RPS6KA6: variants seen among roughly 807,000 people sequenced by gnomAD.
RPS6KA6 encodes ribosomal protein S6 kinase alpha-6.
Under a neutral mutation model 65.4 loss-of-function variants are expected in RPS6KA6, and 27 were observed. The ratio of observed to expected loss-of-function variants is 0.41; its 90% CI spans 0.30 to 0.57. The LOEUF is 0.57. Ranked by LOEUF, RPS6KA6 falls within the 20% of genes least tolerant of loss-of-function variation. The probability of loss-of-function intolerance (pLI) is 0.24; values close to 1 mark genes in which losing one functional copy is unlikely to be tolerated. For synonymous variants in RPS6KA6, 190 were observed against 184.2 expected (o/e 1.03, Z -0.26); for missense variants, 486 against 555.6 (o/e 0.87, Z 1.26).
At chrX:84,132,553 A>G (rs1051751658) in intron 8 of RPS6KA6, among the ~76,000 whole-genome samples, 1 of 110,636 alleles carries the variant, frequency 9.0e-6, no homozygotes, top group South Asian at 3.7e-4. Context: ...ATGATGAAAT[A>G]ATTTTTCTAA....
intron 20 of RPS6KA6, among the ~76,000 whole-genome samples, chrX:84,083,184 T>C (rs998989791): frequency 1.8e-5 from 2 of 112,799 alleles, no homozygotes; most frequent in African/African-American, 6.4e-5. Flanking sequence ...GAGAAAATTT[T>C]TGGAATCTAT....
intron 20 of RPS6KA6, among the ~76,000 whole-genome samples, chrX:84,081,040 C>T (rs190686290): frequency 1.9e-4 from 21 of 111,198 alleles, no homozygotes; most frequent in East Asian, 5.6e-4. Context: ...TATCTAAAAT[C>T]GACAATCTAA....
Position 84,107,686 on chromosome X carries a change from C to T in RPS6KA6, c.1048G>A (p.Ala350Thr), listed in dbSNP as rs1170222280. Residue 350 changes from alanine (A) to threonine (T), a missense_variant, in exon 13 of 22, where the codon GCT becomes ACT. Around this residue, in one of 3 missense-constraint regions of RPS6KA6, gnomAD observed 345 missense variants for 375.0 expected, o/e 0.92. Coordinates refer to ENST00000262752, the MANE Select transcript of RPS6KA6 (RefSeq NM_014496.5). Reference sequence around the variant, plus strand: ...AAAGTATCATCTGGTTTTCCAGAAGCAGGTTTGAAAGGAGGTTGAACTTCT... The same window carrying T: ...AAAGTATCATCTGGTTTTCCAGAAGTAGGTTTGAAAGGAGGTTGAACTTCT... Reference protein sequence around the residue: ...KREVQPPFKPASGKPDDTFCF... With the variant: ...KREVQPPFKPTSGKPDDTFCF... 1.7e-6 allele frequency: 2 copies of T among 1,199,410 alleles called. No individual in the cohort carries two copies. The highest frequency in any genetic ancestry group is 2.3e-6 in the Non-Finnish European group (2 of 887,354).
At chrX:84,164,635 A>G (rs1319188153) in intron 1 of RPS6KA6, among the ~76,000 whole-genome samples, 6 of 111,862 alleles carry the variant, frequency 5.4e-5, no homozygotes, top group Non-Finnish European at 9.4e-5. Flanking sequence ...GAGTTTTGCA[A>G]TAACAGATAA....
intron 2 of RPS6KA6, among the ~76,000 whole-genome samples, chrX:84,163,595 C>T (rs966087821): frequency 4.1e-5 from 4 of 98,524 alleles, no homozygotes; most frequent in African/African-American, 7.5e-5. Flanking sequence ...GCCGAGATTG[C>T]GCCACTGCAG....
intron 8 of RPS6KA6, among the ~76,000 whole-genome samples, chrX:84,124,427 A>G (rs894342877): frequency 1.8e-5 from 2 of 112,216 alleles, no homozygotes; most frequent in African/African-American, 6.5e-5. Flanking sequence ...GAAGGAATTT[A>G]TAATTCTATC....
intron 6 of RPS6KA6, among the ~76,000 whole-genome samples, chrX:84,141,879 A>T (rs1382196975): frequency 8.9e-6 from 1 of 111,807 alleles, no homozygotes; most frequent in Non-Finnish European, 1.9e-5. Context: ...TATATGAAAC[A>T]AAAACTAACA....
chrX:84,080,643 G>T (rs2033774171), intron 20 of RPS6KA6, among the ~76,000 whole-genome samples: 1 of 105,339 alleles, frequency 9.5e-6, no homozygotes, highest in Non-Finnish European at 1.9e-5. Flanking sequence ...GATATCTACA[G>T]AACTCTCCAC....
chrX:84,073,765 T>C (rs1296953727), intron 20 of RPS6KA6, among the ~76,000 whole-genome samples: 1 of 109,534 alleles, frequency 9.1e-6, no homozygotes, highest in Admixed American at 9.8e-5. Context: ...AAATATCCAA[T>C]AGGTATATGG....
chrX:84,157,946 G>T (rs2035443591), intron 2 of RPS6KA6, among the ~76,000 whole-genome samples: 1 of 108,892 alleles, frequency 9.2e-6, no homozygotes, highest in African/African-American at 3.3e-5. Context: ...ACTCTAAAAA[G>T]CTCCCAATAT....
chrX:84,144,481 TA>T (rs2035163746), intron 6 of RPS6KA6, among the ~76,000 whole-genome samples: 2 of 111,254 alleles, frequency 1.8e-5, no homozygotes, highest in African/African-American at 3.3e-5. Context: ...GGGATACCAC[TA>T]AAAACTAATC....
intron 5 of RPS6KA6, among the ~76,000 whole-genome samples, chrX:84,146,156 A>T (rs1441457752): frequency 9.0e-6 from 1 of 111,641 alleles, no homozygotes; most frequent in African/African-American, 3.2e-5. Context: ...GCACACAATA[A>T]GTGTTTACTG....
rs190430440 is a variant in RPS6KA6, at chrX:84,094,655, A to T, written c.1971+1539T>A. Among the ~76,000 whole-genome samples, 757 of 109,389 alleles carry T rather than the reference A, an allele frequency of 6.9e-3. 10 individuals carry two copies. Among genetic ancestry groups the T allele is most frequent in the African/African-American group, 0.025 (735 of 29,773 alleles). 95.0% of individuals were successfully genotyped at this position (109,389 alleles called of 115,157 possible). A position where few individuals can be genotyped will look rare whatever the true frequency, so the allele number is the denominator to read the frequency against. ...GCAAGACTCCGTCTCAAAAAAAATA[A>T]AAATAAATAAATAAATAAATACATA... On this transcript the variant is annotated intron_variant, in intron 20 of 21. Coordinates refer to ENST00000262752, the MANE Select transcript of RPS6KA6 (RefSeq NM_014496.5).
intron 3 of RPS6KA6, among the ~76,000 whole-genome samples, chrX:84,155,234 T>C (rs1306638350): frequency 9.0e-6 from 1 of 111,304 alleles, no homozygotes; most frequent in Non-Finnish European, 1.9e-5. Flanking sequence ...GTCTTTATTT[T>C]AAAATGTTCC....
At chrX:84,177,746 T>C (rs1284600502) in intron 1 of RPS6KA6, among the ~76,000 whole-genome samples, 1 of 112,472 alleles carries the variant, frequency 8.9e-6, no homozygotes, top group Non-Finnish European at 1.9e-5. Context: ...TATCATTCTC[T>C]TCTTAAAACC....
intron 6 of RPS6KA6, among the ~76,000 whole-genome samples, chrX:84,140,928 T>C (rs2035090839): frequency 9.2e-6 from 1 of 108,912 alleles, no homozygotes; most frequent in African/African-American, 3.3e-5. Flanking sequence ...CAAAGAGTCT[T>C]TGTTAGAGTA....
chrX:84,088,748 G>A (rs1040165369), intron 20 of RPS6KA6, among the ~76,000 whole-genome samples: 9 of 112,375 alleles, frequency 8.0e-5, no homozygotes, highest in Middle Eastern at 4.6e-3. Context: ...AACCTGCAGA[G>A]ATGTTGGCTA....
At chrX:84,155,954 C>A in intron 3 of RPS6KA6, 121 bp downstream of exon 3, 2 of 436,828 alleles carry the variant, frequency 4.6e-6, no homozygotes, top group East Asian at 3.7e-5. Context: ...AAAGAATTAC[C>A]TTTGTGAGCA....
chrX:84,163,465 C>T (rs1196635817), intron 2 of RPS6KA6, among the ~76,000 whole-genome samples: 1 of 105,400 alleles, frequency 9.5e-6, no homozygotes, highest in Non-Finnish European at 1.9e-5. Context: ...AGGTGAAACC[C>T]CGTCTCTACT....
Sources: gnomAD v4.1 joint callset for allele counts (sites outside exome capture counted in the v4.1 genomes callset) on GRCh38, gnomAD v4.1.1 for gene constraint, gnomAD v4.1.1 regional missense constraint, MANE v1.5 for transcripts, NCBI Gene and HGNC (gene_info 2026-07-23, HGNC 2026-07-21) for gene names.